The following KCNG3 variants were observed in gnomAD, a reference collection of about 807,000 sequenced individuals.
KCNG3 encodes potassium voltage-gated channel modifier subfamily G member 3, also known as voltage-gated potassium channel regulatory subunit KCNG3.
KCNG3 carries 15 observed loss-of-function variants against 29.0 expected under a neutral mutation model. That is an observed-to-expected ratio of 0.52 (90% confidence interval 0.35 to 0.80). KCNG3 has a LOEUF of 0.80. Among genes scored for constraint, KCNG3 ranks in the 30% least tolerant of loss-of-function variants. KCNG3 has a pLI of 0.01. For missense variants in KCNG3, 512 were observed against 605.7 expected, an observed-to-expected ratio of 0.85 and a Z score of 1.62; for synonymous variants, 322 against 248.9, an observed-to-expected ratio of 1.29 and a Z score of -2.76.
At chr2:42,475,442 C>A (rs930138732) in intron 1 of KCNG3, among the ~76,000 whole-genome samples, 11 of 151,306 alleles carry the variant, frequency 7.3e-5, no homozygotes, top group Admixed American at 5.3e-4. Flanking sequence ...GATTCTCGTG[C>A]CTCAGCCTCC....
At chr2:42,392,079 A>G in the KCNG3 span, among the ~76,000 whole-genome samples, 964 of 152,326 alleles carry the variant, frequency 6.3e-3, 8 homozygotes, top group African/African-American at 0.022. Context: ...TCGCTAAATA[A>G]TTATTTCATC....
chr2:42,443,510 T>G lies in KCNG3; in HGVS notation c.*424A>C, dbSNP rs1672531396. On this transcript the variant is annotated 3_prime_UTR_variant, in exon 2 of 2. Transcript: ENST00000306078. ...TTCCAGGATACTTCTGACATTGATATGAGAAATTATAAAACATTTAGAAAT... is the reference window on the plus strand; with the variant it reads ...TTCCAGGATACTTCTGACATTGATAGGAGAAATTATAAAACATTTAGAAAT... 1 of 156,648 alleles carries G rather than the reference T, an allele frequency of 6.4e-6. No individual in the cohort carries two copies. The highest frequency in any genetic ancestry group is 2.4e-5 in the African/African-American group (1 of 41,518). 9.7% of individuals were successfully genotyped at this position (156,648 alleles called of 1,614,324 possible). A position where few individuals can be genotyped will look rare whatever the true frequency, so the allele number is the denominator to read the frequency against.
intron 1 of KCNG3, among the ~76,000 whole-genome samples, chr2:42,460,001 T>C (rs972346916): frequency 3.3e-5 from 5 of 149,730 alleles, no homozygotes; most frequent in Non-Finnish European, 5.9e-5. Context: ...AAAGATGTTA[T>C]CATTGGGGAA....
the KCNG3 span, among the ~76,000 whole-genome samples, chr2:42,430,445 A>G: frequency 1.3e-5 from 2 of 152,020 alleles, no homozygotes; most frequent in African/African-American, 2.4e-5. Context: ...GTTTATTTTC[A>G]AAATACTTAA....
At chr2:42,394,232 T>TA in the KCNG3 span, among the ~76,000 whole-genome samples, 3 of 152,180 alleles carry the variant, frequency 2.0e-5, no homozygotes. Flanking sequence ...GGAAGCTCTT[T>TA]ATTCCAAGTG....
the KCNG3 span, among the ~76,000 whole-genome samples, chr2:42,396,193 T>A: frequency 6.6e-6 from 1 of 152,354 alleles, no homozygotes; most frequent in East Asian, 1.9e-4. Flanking sequence ...TGCATGTATA[T>A]CAGTTTTGCA....
chr2:42,449,264 G>A (rs1672685664), intron 1 of KCNG3, among the ~76,000 whole-genome samples: 1 of 151,164 alleles, frequency 6.6e-6, no homozygotes, highest in Non-Finnish European at 1.5e-5. Flanking sequence ...TTAATGATTG[G>A]GGGAAAAAAC....
At chr2:42,451,233 T>G (rs955429177) in intron 1 of KCNG3, among the ~76,000 whole-genome samples, 1 of 139,542 alleles carries the variant, frequency 7.2e-6, no homozygotes, top group Non-Finnish European at 1.6e-5. Flanking sequence ...AAAAAAAGAT[T>G]AAATGGTATA....
At chr2:42,401,150 A>G in the KCNG3 span, among the ~76,000 whole-genome samples, 1,213 of 149,824 alleles carry the variant, frequency 8.1e-3, 20 homozygotes, top group African/African-American at 0.028. Context: ...TTATATATAC[A>G]TATTTTTTTC....
chr2:42,480,223 T>C (rs1219575384), intron 1 of KCNG3, among the ~76,000 whole-genome samples: 1 of 149,180 alleles, frequency 6.7e-6, no homozygotes, highest in Non-Finnish European at 1.5e-5. Flanking sequence ...GCGCTTAGCA[T>C]GGCTGGTTAG....
rs559425003 is a variant in KCNG3, at chr2:42,443,338, G to A, written c.*596C>T. 6.5e-6 allele frequency: 1 copy of A among 152,674 alleles called. No homozygotes were observed. The highest frequency in any genetic ancestry group is 2.1e-4 in the South Asian group (1 of 4,824). 9.5% of individuals were successfully genotyped at this position (152,674 alleles called of 1,614,324 possible). On this transcript the variant is annotated 3_prime_UTR_variant, in exon 2 of 2. Coordinates refer to ENST00000306078, the MANE Select transcript of KCNG3 (RefSeq NM_133329.6). ...AAGCGGCACGATAAGGTGAATAATT[G>A]GCACAAAAATAAAGCAAAGAATTGA...
chr2:42,424,228 C>G, the KCNG3 span, among the ~76,000 whole-genome samples: 1 of 152,162 alleles, frequency 6.6e-6, no homozygotes, highest in Non-Finnish European at 1.5e-5. Context: ...AGTGCCAAAA[C>G]TCATTTTTGT....
chr2:42,396,319 A>G, the KCNG3 span, among the ~76,000 whole-genome samples: 1 of 152,234 alleles, frequency 6.6e-6, no homozygotes, highest in Non-Finnish European at 1.5e-5. Context: ...CCATTTTTCT[A>G]AAAATCTCAG....
chr2:42,477,171 G>A (rs1190821531), intron 1 of KCNG3, among the ~76,000 whole-genome samples: 3 of 139,730 alleles, frequency 2.1e-5, no homozygotes, highest in African/African-American at 8.2e-5. Context: ...CAGCCTGAGC[G>A]ACAGAGCAAG....
At chr2:42,439,460 G>A (rs1572836768), downstream of KCNG3, among the ~76,000 whole-genome samples, 4 of 151,400 alleles carry the variant, frequency 2.6e-5, no homozygotes, top group African/African-American at 9.7e-5. Context: ...ACAGGGTTTC[G>A]CTATGTTGGC....
At chr2:42,453,256 G>C (rs1672807086) in intron 1 of KCNG3, among the ~76,000 whole-genome samples, 1 of 152,172 alleles carries the variant, frequency 6.6e-6, no homozygotes, top group Non-Finnish European at 1.5e-5. Context: ...TCTATTTTCA[G>C]TTTTTTAAGG....
chr2:42,400,540 C>A, the KCNG3 span, among the ~76,000 whole-genome samples: 1 of 152,092 alleles, frequency 6.6e-6, no homozygotes, highest in Non-Finnish European at 1.5e-5. Context: ...ACCAAACACC[C>A]CCTCCTTGTC....
chr2:42,449,680 G>C (rs1174359319), intron 1 of KCNG3, among the ~76,000 whole-genome samples: 2 of 151,960 alleles, frequency 1.3e-5, no homozygotes, highest in African/African-American at 4.8e-5. Context: ...ACCACACCTG[G>C]CCTCAAGTGA....
chr2:42,450,920 T>C (rs1046765947), intron 1 of KCNG3, among the ~76,000 whole-genome samples: 1 of 152,164 alleles, frequency 6.6e-6, no homozygotes, highest in African/African-American at 2.4e-5. Flanking sequence ...TAAGATTAAA[T>C]GGGGCCAGAA....
Sources: allele counts gnomAD v4.1 joint callset (sites outside exome capture counted in the v4.1 genomes callset), GRCh38; gene constraint gnomAD v4.1.1; transcripts MANE v1.5; gene names NCBI Gene and HGNC (gene_info 2026-07-23, HGNC 2026-07-21).